Variants in ADGRV1 observed in about 807,000 individuals in gnomAD.
ADGRV1 encodes the protein G-protein coupled receptor 98.
In ADGRV1, 359 loss-of-function variants were observed where a neutral mutation model predicts 596.2. That is an observed-to-expected ratio of 0.60 (90% confidence interval 0.55 to 0.66). ADGRV1 has a LOEUF of 0.66. Ranked by LOEUF, ADGRV1 falls within the 30% of genes least tolerant of loss-of-function variation. The probability of loss-of-function intolerance (pLI) is 0.00; values close to 1 mark genes in which losing one functional copy is unlikely to be tolerated. For missense variants in ADGRV1, 7,274 were observed against 7,575.6 expected (o/e 0.96, Z 1.48); for synonymous variants, 2,681 against 2,679.2 (o/e 1.00, Z -0.02).
At chr5:90,875,468 T>C (rs1015657593) in intron 83 of ADGRV1, among the ~76,000 whole-genome samples, 3 of 152,228 alleles carry the variant, frequency 2.0e-5, no homozygotes, top group Non-Finnish European at 4.4e-5. Flanking sequence ...GATTTCTAAC[T>C]GGGAACTTCA....
At chr5:90,652,289 A>C (rs1768746470) in intron 18 of ADGRV1, 57 bp from the exon 19 acceptor site, 1 of 1,202,060 alleles carries the variant, frequency 8.3e-7, no homozygotes, top group Non-Finnish European at 1.2e-6. Context: ...ATAACACAGG[A>C]AGCTCTCATT....
intron 85 of ADGRV1, among the ~76,000 whole-genome samples, chr5:90,997,866 G>A (rs1043608636): frequency 3.3e-5 from 5 of 152,120 alleles, no homozygotes; most frequent in African/African-American, 7.2e-5. Flanking sequence ...TGGATTAAGC[G>A]AGATGATGTG....
Position 90,810,492 on chromosome 5 carries a change from A to G in ADGRV1, c.15232A>G (p.Ile5078Val). Residue 5078 changes from isoleucine to valine, a missense_variant, in exon 74 of 90, where the codon ATT (isoleucine) becomes GTT (valine). Ile to Val is a conservative substitution (Grantham distance 29, BLOSUM62 3). This residue lies in a region of ADGRV1 where 1,874 missense variants were observed against 1,970.2 expected (regional missense o/e 0.95). Coordinates refer to ENST00000405460, the MANE Select transcript of ADGRV1 (RefSeq NM_032119.4). ...AACTGAGGTTGATTTTGAAATAACC[A>G]TTATTAATGATCAGCTTTCTGAGAT... Reference protein sequence around the residue: ...FQTEVDFEITIINDQLSEIEE... With the variant: ...FQTEVDFEITVINDQLSEIEE... The G allele has an allele frequency of 1.2e-6, 2 of 1,613,964 alleles. No individual in the cohort carries two copies. Among genetic ancestry groups the G allele is most frequent in the Non-Finnish European group, 1.7e-6 (2 of 1,179,842 alleles).
intron 77 of ADGRV1, among the ~76,000 whole-genome samples, chr5:90,839,839 T>C (rs2150357189): frequency 6.6e-6 from 1 of 152,342 alleles, no homozygotes; most frequent in South Asian, 2.1e-4. Context: ...TTGTACAACC[T>C]GTATCCTCTG....
intron 1 of ADGRV1, among the ~76,000 whole-genome samples, chr5:90,612,119 A>T (rs1039239144): frequency 3.0e-4 from 46 of 152,076 alleles, no homozygotes; most frequent in African/African-American, 1.1e-3. Flanking sequence ...ATTTAAAATG[A>T]ATTTACTGAC....
intron 19 of ADGRV1, 132 bp from the exon 20 acceptor site, chr5:90,653,077 C>A: frequency 1.3e-6 from 1 of 790,840 alleles, no homozygotes; most frequent in Non-Finnish European, 2.0e-6. Flanking sequence ...CACATGGTGA[C>A]ACTACTTTTC....
At position 90,692,834 on chromosome 5, in the gene ADGRV1, G is replaced by A. The variant is rs73193236; in HGVS notation, c.7133+48G>A. On this transcript the variant is annotated intron_variant, in intron 32 of 89. Coordinates refer to ENST00000405460, the MANE Select transcript of ADGRV1 (RefSeq NM_032119.4). ...TCTGTGGGAGTGATGAGAATTGTGG[G>A]GTGGTGGGGAAGGATCCCTTGCACA... The A allele has an allele frequency of 0.016, 22,872 of 1,434,060 alleles. 419 individuals carry two copies. The highest frequency in any genetic ancestry group is 0.094 in the African/African-American group (6,477 of 69,168). 88.8% of individuals were successfully genotyped at this position (1,434,060 alleles called of 1,614,324 possible).
intron 88 of ADGRV1, 47 bp from the exon 89 acceptor site, chr5:91,153,174 T>G (rs1447280618): frequency 4.8e-6 from 7 of 1,451,452 alleles, no homozygotes; most frequent in South Asian, 1.2e-5. Flanking sequence ...TGAATGTGTA[T>G]GCATTCATAT....
In ADGRV1 at chr5:90,704,471, A is replaced by G. The variant is rs751129081; in HGVS notation, c.8369A>G (p.Tyr2790Cys). ...EEKEVYQVILYDVRTQGVPPA... is the reference protein window; with the variant it reads ...EEKEVYQVILCDVRTQGVPPA... ...AAAGAAGTATACCAAGTCATTCTGT[A>G]TGATGTCAGGACACAAGGTAATTCA... The change falls in exon 36 of 90, where the codon TAT becomes TGT. Residue 2790 changes from tyrosine to cysteine, a missense_variant. This residue lies in a region of ADGRV1 where 3,643 missense variants were observed against 3,809.2 expected (regional missense o/e 0.96). Coordinates refer to ENST00000405460, the MANE Select transcript of ADGRV1 (RefSeq NM_032119.4). The G allele has an allele frequency of 2.6e-5, 40 of 1,561,758 alleles. No homozygotes were observed. Among genetic ancestry groups the G allele is most frequent in the Non-Finnish European group, 3.4e-5 (39 of 1,147,206 alleles).
At chr5:90,883,544 G>A (rs1769993494) in intron 83 of ADGRV1, among the ~76,000 whole-genome samples, 2 of 152,094 alleles carry the variant, frequency 1.3e-5, no homozygotes, top group South Asian at 4.1e-4. Flanking sequence ...CACAGCTTCT[G>A]AATATAACTT....
chr5:90,970,825 C>G (rs1254567030), intron 84 of ADGRV1, among the ~76,000 whole-genome samples: 2 of 152,144 alleles, frequency 1.3e-5, no homozygotes, highest in African/African-American at 2.4e-5. Context: ...AGCACAGCTC[C>G]TCACCAGCAA....
rs1352398959 is a variant in ADGRV1 at position 91,028,033 on chromosome 5, CTTTCT to C, written c.18152+42515_18152+42519del. Among the ~76,000 whole-genome samples the C allele has an allele frequency of 2.8e-3, 248 of 87,674 alleles. 2 individuals carry two copies. Among genetic ancestry groups the C allele is most frequent in the Admixed American group, 7.9e-3 (83 of 10,460 alleles). 57.5% of individuals were successfully genotyped at this position (87,674 alleles called of 152,430 possible). A position where few individuals can be genotyped will look rare whatever the true frequency, so the allele number is the denominator to read the frequency against. On this transcript the variant is annotated intron_variant, in intron 85 of 89. Transcript: ENST00000405460. ...ACTACTGAGATCCAGCTTTTTTTTT[CTTTCT>C]TTTTTTTTTTTTTTAATTCTTTAAA...
chr5:91,120,679 G>T (rs1793233289), intron 87 of ADGRV1, among the ~76,000 whole-genome samples: 1 of 152,162 alleles, frequency 6.6e-6, no homozygotes, highest in Non-Finnish European at 1.5e-5. Flanking sequence ...GAGAAGAGAG[G>T]AGGGAGAGTC....
chr5:90,955,247 C>T (rs764709931), intron 83 of ADGRV1, among the ~76,000 whole-genome samples: 7 of 152,058 alleles, frequency 4.6e-5, no homozygotes, highest in Admixed American at 2.0e-4. Flanking sequence ...CATAACAGCC[C>T]GAACTGACTC....
intron 60 of ADGRV1, among the ~76,000 whole-genome samples, chr5:90,774,945 G>A (rs778697456): frequency 1.3e-4 from 20 of 152,002 alleles, no homozygotes; most frequent in African/African-American, 3.4e-4. Flanking sequence ...GCCTATGTAC[G>A]TCTGTTTTCA....
chr5:90,694,939 A>C (rs1392403807), intron 33 of ADGRV1, among the ~76,000 whole-genome samples: 1 of 152,192 alleles, frequency 6.6e-6, no homozygotes, highest in Non-Finnish European at 1.5e-5. Flanking sequence ...TTCCGGGAAT[A>C]TGTGAATTTT....
intron 84 of ADGRV1, among the ~76,000 whole-genome samples, chr5:90,971,061 C>T (rs1778927341): frequency 6.6e-6 from 1 of 152,140 alleles, no homozygotes; most frequent in African/African-American, 2.4e-5. Flanking sequence ...GATGAATGCA[C>T]AAGCCTCCGT....
chr5:90,763,198 TA>T, intron 58 of ADGRV1, 106 bp from the exon 59 acceptor site: 1 of 1,013,128 alleles, frequency 9.9e-7, no homozygotes. Flanking sequence ...TGTAACATTC[TA>T]AATTATAAAA....
intron 53 of ADGRV1, among the ~76,000 whole-genome samples, chr5:90,752,902 C>T (rs550404031): frequency 5.4e-4 from 82 of 152,286 alleles, no homozygotes; most frequent in Non-Finnish European, 7.4e-5. Context: ...ATACATCAGC[C>T]TATAATGCTA....
Sources: gnomAD v4.1 joint callset for allele counts (sites outside exome capture counted in the v4.1 genomes callset) on GRCh38, gnomAD v4.1.1 for gene constraint, gnomAD v4.1.1 regional missense constraint, MANE v1.5 for transcripts, NCBI Gene and HGNC (gene_info 2026-07-23, HGNC 2026-07-21) for gene names.